The following ENPP3 variants were observed in gnomAD, a reference collection of about 807,000 sequenced individuals.
ENPP3 encodes the protein ectonucleotide pyrophosphatase/phosphodiesterase 3, also known as ectonucleotide pyrophosphatase/phosphodiesterase family member 3.
ENPP3 carries 104 observed loss-of-function variants against 117.8 expected under a neutral mutation model. That is an observed-to-expected ratio of 0.88 (90% CI 0.75 to 1.04). ENPP3 has a LOEUF of 1.04. Ranked by LOEUF, ENPP3 falls within the 50% of genes least tolerant of loss-of-function variation. The pLI, the probability that ENPP3 is intolerant of heterozygous loss-of-function variation, is 0.00. For synonymous variants in ENPP3, 380 were observed against 349.9 expected (o/e 1.09, Z -0.96); for missense variants, 1,026 against 1,051.9 (o/e 0.98, Z 0.34).
intron 11 of ENPP3, among the ~76,000 whole-genome samples, chr6:131,679,002 C>T (rs1778948909): frequency 2.2e-5 from 1 of 45,748 alleles, no homozygotes; most frequent in African/African-American, 1.1e-4. Flanking sequence ...TCCTTCCTTG[C>T]TTCCTTCCTT....
intron 20 of ENPP3, among the ~76,000 whole-genome samples, chr6:131,730,776 G>A (rs62423459): frequency 0.072 from 10,955 of 152,122 alleles, 571 homozygotes; most frequent in Middle Eastern, 0.15. Flanking sequence ...TTAGCTGGGC[G>A]TGGTGGCGCA....
chr6:131,719,805 TC>T (rs1779975833), intron 16 of ENPP3, among the ~76,000 whole-genome samples: 1 of 151,956 alleles, frequency 6.6e-6, no homozygotes, highest in African/African-American at 2.4e-5. Flanking sequence ...GGTCTTTTTA[TC>T]CCAAAAGTAA....
intron 20 of ENPP3, among the ~76,000 whole-genome samples, chr6:131,730,986 A>G (rs1001077644): frequency 2.0e-5 from 3 of 150,140 alleles, no homozygotes; most frequent in African/African-American, 7.3e-5. Context: ...TATTTTTCCC[A>G]TCTCTTTGTC....
chr6:131,693,394 C>T (rs1187917799), intron 14 of ENPP3, 103 bp from the exon 15 acceptor site: 3 of 1,001,028 alleles, frequency 3.0e-6, no homozygotes, highest in Middle Eastern at 2.2e-4. Flanking sequence ...GCTGAAATCC[C>T]CTTACTTTTA....
chr6:131,737,745 C>T (rs547170406), intron 22 of ENPP3, among the ~76,000 whole-genome samples: 1 of 152,270 alleles, frequency 6.6e-6, no homozygotes, highest in South Asian at 2.1e-4. Context: ...CATGTGTGTT[C>T]TGATCATTTT....
chr6:131,746,103 T>A (rs1345166356), intron 24 of ENPP3, among the ~76,000 whole-genome samples: 1 of 151,440 alleles, frequency 6.6e-6, no homozygotes, highest in Non-Finnish European at 1.5e-5. Flanking sequence ...AAAAAAAAAA[T>A]TTGAATGTAC....
chr6:131,657,693 A>T (rs1735192412), intron 5 of ENPP3, among the ~76,000 whole-genome samples: 4 of 152,224 alleles, frequency 2.6e-5, no homozygotes, highest in Admixed American at 2.6e-4. Context: ...ATGCTGTTGG[A>T]AATCAAGATA....
intron 8 of ENPP3, among the ~76,000 whole-genome samples, chr6:131,674,694 C>T (rs888679363): frequency 8.6e-5 from 13 of 151,588 alleles, no homozygotes; most frequent in African/African-American, 2.4e-4. Flanking sequence ...CTCAGCCTCC[C>T]GAGTAGCTGG....
At chr6:131,644,704 A>G (rs1397495040) in intron 2 of ENPP3, among the ~76,000 whole-genome samples, 1 of 152,194 alleles carries the variant, frequency 6.6e-6, no homozygotes, top group African/African-American at 2.4e-5. Flanking sequence ...AGTTGAACAT[A>G]TGAGGCTAGC....
chr6:131,697,689 T>C (rs538752643), intron 15 of ENPP3, among the ~76,000 whole-genome samples: 1 of 152,172 alleles, frequency 6.6e-6, no homozygotes, highest in South Asian at 2.1e-4. Context: ...CAGTTCACAA[T>C]AGGATTCACC....
intron 15 of ENPP3, among the ~76,000 whole-genome samples, chr6:131,717,709 TA>T (rs1470432014): frequency 6.6e-6 from 1 of 152,058 alleles, no homozygotes; most frequent in Non-Finnish European, 1.5e-5. Flanking sequence ...ATCACAAAGG[TA>T]AACATAATTA....
intron 12 of ENPP3, among the ~76,000 whole-genome samples, chr6:131,684,099 G>A (rs773006812): frequency 9.2e-5 from 14 of 152,098 alleles, no homozygotes; most frequent in Non-Finnish European, 1.9e-4. Context: ...TACTTTCCTA[G>A]ATATGGAGTA....
At chr6:131,726,737 C>T (rs1377556309) in intron 20 of ENPP3, among the ~76,000 whole-genome samples, 1 of 152,186 alleles carries the variant, frequency 6.6e-6, no homozygotes, top group Non-Finnish European at 1.5e-5. Context: ...TCACAGATCT[C>T]CAGGCTGAGG....
At chr6:131,648,111 G>A (rs756858751) in intron 2 of ENPP3, among the ~76,000 whole-genome samples, 8 of 151,682 alleles carry the variant, frequency 5.3e-5, no homozygotes, top group Non-Finnish European at 8.8e-5. Context: ...TGATTTGTTA[G>A]TAAAAAATGA....
At chr6:131,678,706 T>C (rs987570153) in intron 11 of ENPP3, among the ~76,000 whole-genome samples, 7 of 152,324 alleles carry the variant, frequency 4.6e-5, no homozygotes, top group East Asian at 1.9e-4. Flanking sequence ...AAAAGCTTTT[T>C]TTAAATTCCT....
chr6:131,638,047 C>T (rs976939619), intron 1 of ENPP3, among the ~76,000 whole-genome samples: 1 of 151,054 alleles, frequency 6.6e-6, no homozygotes, highest in African/African-American at 2.4e-5. Context: ...TTTTATTACT[C>T]TCTCTTTTCC....
chr6:131,731,432 C>G (rs983172398), intron 20 of ENPP3, among the ~76,000 whole-genome samples: 1 of 152,156 alleles, frequency 6.6e-6, no homozygotes, highest in Non-Finnish European at 1.5e-5. Context: ...TCTGACTCAG[C>G]ATATACAATT....
In ENPP3 at chr6:131,684,637, TCACAC is replaced by T. The variant is rs1779109098; in HGVS notation, c.1121-723_1121-719del. Among the ~76,000 whole-genome samples the T allele has an allele frequency of 2.0e-5, 3 of 149,828 alleles. No homozygotes were observed. The South Asian group carries it at 6.3e-4, about 32-fold the overall frequency. ...GAGGCTGCAGTGCAGTGAAGCGAGA[TCACAC>T]CACTGCACTATAGCCTGGGCAACAG... On this transcript the variant is annotated intron_variant, in intron 12 of 24. Coordinates refer to ENST00000357639, the MANE Select transcript of ENPP3 (RefSeq NM_005021.5).
chr6:131,678,997 C>CCTTCCTTCCTTG (rs1562446759), intron 11 of ENPP3, among the ~76,000 whole-genome samples: 7 of 89,110 alleles, frequency 7.9e-5, no homozygotes, highest in East Asian at 6.5e-4. Flanking sequence ...TTCCTTCCTT[C>CCTTCCTTCCTTG]CTTGCTTCCT....
Sources: gnomAD v4.1 joint callset for allele counts (sites outside exome capture counted in the v4.1 genomes callset) on GRCh38, gnomAD v4.1.1 for gene constraint, MANE v1.5 for transcripts, NCBI Gene and HGNC (gene_info 2026-07-23, HGNC 2026-07-21) for gene names.